Variants in RAB35 observed in about 807,000 individuals in gnomAD.
The protein encoded by RAB35 is ras-related protein Rab-35.
RAB35 carries 4 observed loss-of-function variants against 28.9 expected under a neutral mutation model. That is an observed-to-expected ratio of 0.14 (90% CI 0.07 to 0.32). RAB35 has a LOEUF of 0.32. Ranked by LOEUF, RAB35 falls within the 10% of genes least tolerant of loss-of-function variation. RAB35 has a pLI of 1.00. For synonymous variants in RAB35, 99 were observed against 105.1 expected, an observed-to-expected ratio of 0.94 and a Z score of 0.35; for missense variants, 128 against 274.0, an observed-to-expected ratio of 0.47 and a Z score of 3.76.
intron 1 of RAB35, among the ~76,000 whole-genome samples, chr12:120,113,475 T>C (rs973344314): frequency 6.6e-6 from 1 of 152,078 alleles, no homozygotes; most frequent in Non-Finnish European, 1.5e-5. Flanking sequence ...GCAGACGACA[T>C]GCTGTTACAA....
In RAB35 at chr12:120,096,749, C is replaced by T. The variant is rs745647429; in HGVS notation, c.*496G>A. On this transcript the variant is annotated 3_prime_UTR_variant, in exon 6 of 6. Transcript: ENST00000229340. ...GCGGGGACAGAGGCTGACAACCTGT[C>T]GGAGAGAATGAGCAACGCGGAGCCC... 126 of 1,289,940 alleles carry T rather than the reference C, an allele frequency of 9.8e-5. No homozygotes were observed. Among genetic ancestry groups the T allele is most frequent in the Middle Eastern group, 4.2e-4 (2 of 4,722 alleles). 79.9% of individuals were successfully genotyped at this position (1,289,940 alleles called of 1,614,324 possible). A position where few individuals can be genotyped will look rare whatever the true frequency, so the allele number is the denominator to read the frequency against.
chr12:120,111,925 AC>A (rs1876133549), intron 1 of RAB35, among the ~76,000 whole-genome samples: 1 of 145,612 alleles, frequency 6.9e-6, no homozygotes, highest in Non-Finnish European at 1.5e-5. Context: ...CACCACAGCC[AC>A]CCCCGAGGCT....
At chr12:120,104,019 C>A in intron 2 of RAB35, 70 bp from the exon 3 acceptor site, 1 of 1,574,888 alleles carries the variant, frequency 6.3e-7, no homozygotes, top group Non-Finnish European at 8.6e-7. Context: ...ACGCTGCACA[C>A]AACACACCCC....
intron 2 of RAB35, among the ~76,000 whole-genome samples, chr12:120,105,222 G>C (rs368490911): frequency 6.6e-6 from 1 of 152,154 alleles, no homozygotes; most frequent in South Asian, 2.1e-4. Context: ...GTAGGGGAAC[G>C]ACATCCCACT....
chr12:120,098,823 G>A lies in RAB35; in HGVS notation c.465C>T (p.Val155=), dbSNP rs1875538693. 1.2e-6 allele frequency: 2 copies of A among 1,614,102 alleles called. No homozygotes were observed. The highest frequency in any genetic ancestry group is 1.1e-5 in the South Asian group (1 of 91,088). Residue 155 remains valine (V), a synonymous_variant, in exon 5 of 6, where the codon GTC becomes GTT. Transcript: ENST00000229340. ...QLFETSAKEN[V]NVEEMFNCIT... Reference sequence around the variant, plus strand: ...CCCAGGGCCTCACCTCTTCCACGTTGACATTCTCCTTGGCGCTGGTCTCGA... The same window carrying A: ...CCCAGGGCCTCACCTCTTCCACGTTAACATTCTCCTTGGCGCTGGTCTCGA...
chr12:120,109,283 G>A (rs530553441), intron 1 of RAB35, among the ~76,000 whole-genome samples: 3 of 152,106 alleles, frequency 2.0e-5, no homozygotes, highest in African/African-American at 7.2e-5. Context: ...GAGAAACCCC[G>A]TCTCTACTAA....
chr12:120,113,772 C>G (rs1035597875), intron 1 of RAB35, among the ~76,000 whole-genome samples: 1 of 150,672 alleles, frequency 6.6e-6, no homozygotes, highest in Non-Finnish European at 1.5e-5. Flanking sequence ...GAGCCGAGAT[C>G]GCGCCACTGC....
intron 1 of RAB35, among the ~76,000 whole-genome samples, chr12:120,116,124 TGAACATTTACTTC>T (rs1876322795): frequency 6.6e-6 from 1 of 152,166 alleles, no homozygotes; most frequent in Non-Finnish European, 1.5e-5. Context: ...ATGACAATAG[TGAACATTTACTTC>T]GAGCTTACTT....
In RAB35 at chr12:120,096,964, ACT is replaced by A. The variant is rs746160468; in HGVS notation, c.*279_*280del. 80 of 1,434,270 alleles carry A rather than the reference ACT, an allele frequency of 5.6e-5. No homozygotes were observed. The highest frequency in any genetic ancestry group is 4.0e-5 in the Non-Finnish European group (43 of 1,082,884). 88.8% of individuals were successfully genotyped at this position (1,434,270 alleles called of 1,614,324 possible). Reference sequence around the variant, plus strand: ...GTAGAGCAATATACACTATGTACAGACTCTGCGAATCAGTCCGCTCGGCGGGC... The same window carrying A: ...GTAGAGCAATATACACTATGTACAGACTGCGAATCAGTCCGCTCGGCGGGC... On this transcript the variant is annotated 3_prime_UTR_variant, in exon 6 of 6. Transcript: ENST00000229340.
At chr12:120,116,512 G>T in intron 1 of RAB35, 87 bp downstream of exon 1, 1 of 877,124 alleles carries the variant, frequency 1.1e-6, no homozygotes, top group Non-Finnish European at 1.4e-6. Context: ...GCACGGGCCG[G>T]CACCTCCCCG....
At chr12:120,108,298 G>T in intron 2 of RAB35, 119 bp downstream of exon 2, 1 of 1,059,416 alleles carries the variant, frequency 9.4e-7, no homozygotes, top group Non-Finnish European at 1.4e-6. Context: ...CCCTCCTCTG[G>T]CAACCAGAAT....
rs1391209298 is a variant in RAB35 at position 120,096,736 on chromosome 12, G to A, written c.*509C>T. On this transcript the variant is annotated 3_prime_UTR_variant, in exon 6 of 6. Transcript: ENST00000229340. ...AAGACCCTGTGCAGCGGGGACAGAG[G>A]CTGACAACCTGTCGGAGAGAATGAG... The A allele has an allele frequency of 1.2e-5, 15 of 1,289,916 alleles. No homozygotes were observed. The East Asian group carries it at 4.4e-4, about 38-fold the overall frequency. 79.9% of individuals were successfully genotyped at this position (1,289,916 alleles called of 1,614,324 possible).
intron 1 of RAB35, among the ~76,000 whole-genome samples, chr12:120,112,802 G>A (rs978809403): frequency 6.7e-6 from 1 of 149,974 alleles, no homozygotes; most frequent in Non-Finnish European, 1.5e-5. Context: ...CTAACTCCCT[G>A]TAACTTTGAA....
Position 120,096,808 on chromosome 12 carries a change from T to C in RAB35, c.*437A>G. On this transcript the variant is annotated 3_prime_UTR_variant, in exon 6 of 6. Coordinates refer to ENST00000229340, the MANE Select transcript of RAB35 (RefSeq NM_006861.7). ...GGCACGGGCTGGCCGCAGACGCAGC[T>C]AGAACGTGCCGCTGTCTCCTCAGGA... 1 of 1,291,948 alleles carries C rather than the reference T, an allele frequency of 7.7e-7. No individual in the cohort carries two copies. The highest frequency in any genetic ancestry group is 1.0e-6 in the Non-Finnish European group (1 of 990,328). 80.0% of individuals were successfully genotyped at this position (1,291,948 alleles called of 1,614,324 possible). A position where few individuals can be genotyped will look rare whatever the true frequency, so the allele number is the denominator to read the frequency against.
intron 2 of RAB35, among the ~76,000 whole-genome samples, chr12:120,105,606 C>T (rs906272686): frequency 6.6e-5 from 10 of 152,070 alleles, no homozygotes; most frequent in Admixed American, 3.3e-4. Context: ...TCCTTCGACA[C>T]GCAGGATAGC....
Position 120,097,203 on chromosome 12 carries a change from G to A in RAB35, c.*42C>T. ...GGAACCTCCGTGGGCCTCGGGCTGG[G>A]GGAGGGACCGCAGTGCAGTCTCTGC... is the stretch of plus-strand genomic sequence containing the variant. On this transcript the variant is annotated 3_prime_UTR_variant, in exon 6 of 6. Transcript: ENST00000229340. The A allele has an allele frequency of 6.2e-7, 1 of 1,614,150 alleles. No homozygotes were observed. Among genetic ancestry groups the A allele is most frequent in the Non-Finnish European group, 8.5e-7 (1 of 1,180,014 alleles).
At position 120,106,128 on chromosome 12, in the gene RAB35, G is replaced by C. The variant is rs78381899; in HGVS notation, c.104-2179C>G. ...AGAACCAACAGTAAACTGAGATGCT[G>C]GTCGTAGAAATGGAAAGGTGGGAAG... On this transcript the variant is annotated intron_variant, in intron 2 of 5. Coordinates refer to ENST00000229340, the MANE Select transcript of RAB35 (RefSeq NM_006861.7). Among the ~76,000 whole-genome samples, 1,036 of 152,206 alleles carry C rather than the reference G, an allele frequency of 6.8e-3. 12 individuals are homozygous for C. Among genetic ancestry groups the C allele is most frequent in the East Asian group, 0.047 (242 of 5,176 alleles).
At chr12:120,110,857 G>A (rs1041936392) in intron 1 of RAB35, among the ~76,000 whole-genome samples, 1 of 152,226 alleles carries the variant, frequency 6.6e-6, no homozygotes, top group Non-Finnish European at 1.5e-5. Flanking sequence ...CATGCTCAGG[G>A]CCACTTCCTC....
intron 1 of RAB35, among the ~76,000 whole-genome samples, chr12:120,113,962 A>C (rs1057343134): frequency 4.6e-5 from 7 of 152,264 alleles, no homozygotes; most frequent in African/African-American, 1.7e-4. Context: ...ACCAGCATTC[A>C]TGGAGGGCCT....
Sources: allele counts gnomAD v4.1 joint callset (sites outside exome capture counted in the v4.1 genomes callset), GRCh38; gene constraint gnomAD v4.1.1; transcripts MANE v1.5; gene names NCBI Gene and HGNC (gene_info 2026-07-23, HGNC 2026-07-21).